MPPE1: variants seen among roughly 807,000 people sequenced by gnomAD.
The protein encoded by MPPE1 is metallo phosphoesterase.
Under a neutral mutation model 43.8 loss-of-function variants are expected in MPPE1, and 28 were observed. The observed-to-expected ratio is 0.64, with a 90% CI of 0.47 to 0.88. The LOEUF (loss-of-function observed/expected upper bound fraction) is 0.88. Among genes scored for constraint, MPPE1 ranks in the 40% least tolerant of loss-of-function variants. MPPE1 has a pLI of 0.00. For synonymous variants in MPPE1, 159 were observed against 188.5 expected (o/e 0.84, Z 1.28); for missense variants, 428 against 492.2 (o/e 0.87, Z 1.23).
In MPPE1 at chr18:11,885,815, A is replaced by C. The variant is rs1195004476; in HGVS notation, c.869T>G (p.Leu290Arg). 3.7e-6 allele frequency: 6 copies of C among 1,604,346 alleles called. No homozygotes were observed. The highest frequency in any genetic ancestry group is 5.1e-6 in the Non-Finnish European group (6 of 1,172,706). Reference protein sequence around the residue: ...DVLSREASQKLLWWLQPRLVL... With the variant: ...DVLSREASQKRLWWLQPRLVL... ...CAGGCGCGGCTGGAGCCACCACAGCAGCTGACAGTGGCCGAGAAGACAGCA... is the reference window on the plus strand; with the variant it reads ...CAGGCGCGGCTGGAGCCACCACAGCCGCTGACAGTGGCCGAGAAGACAGCA... The change falls in exon 10 of 11, where the codon CTG becomes CGG. Residue 290 changes from leucine to arginine, a missense_variant and splice_region_variant. By Grantham distance (102) the Leu-to-Arg change is moderately radical. Coordinates refer to ENST00000588072, the MANE Select transcript of MPPE1 (RefSeq NM_023075.6).
chr18:11,891,361 T>C (rs993870554), intron 4 of MPPE1: 4 of 151,960 alleles, frequency 2.6e-5, no homozygotes, highest in Non-Finnish European at 5.9e-5. Flanking sequence ...TAATCCCAAC[T>C]ACTCGAGGAG....
Position 11,886,879 on chromosome 18 carries a change from G to C in MPPE1, c.678+38C>G. 1 of 1,598,584 alleles carries C rather than the reference G, an allele frequency of 6.3e-7. No individual in the cohort carries two copies. The highest frequency in any genetic ancestry group is 2.2e-5 in the East Asian group (1 of 44,532). ...TGAGCAACCGAAGCGGAGCAACACG[G>C]GACAGAAGGCACCTGTGGCATTCAG... is the stretch of plus-strand genomic sequence containing the variant. On this transcript the variant is annotated intron_variant, in intron 7 of 10. Transcript: ENST00000588072. The surrounding 1 kb of genome is among the most constrained non-coding windows in gnomAD (Gnocchi z 4.1).
chr18:11,893,559 C>G lies in MPPE1; in HGVS notation c.299G>C (p.Arg100Thr), dbSNP rs2038243674. The change falls in exon 4 of 11, where the codon AGA becomes ACA. Residue 100 changes from arginine (R) to threonine (T), a missense_variant. Physicochemically the swap from Arg to Thr is moderately conservative, Grantham distance 71. Transcript: ENST00000588072. ...CAACCACAGAGCTGTCTGGAACGCT[C>G]TCTCCATCTGCCATTCCCTTGATGC... ...DKLRREWQME[R>T]AFQTALWLLQ... 3 of 1,614,028 alleles carry G rather than the reference C, an allele frequency of 1.9e-6. No individual in the cohort carries two copies. The highest frequency in any genetic ancestry group is 1.7e-6 in the Non-Finnish European group (2 of 1,179,988).
At chr18:11,901,789 A>G (rs1273627418) in intron 2 of MPPE1, among the ~76,000 whole-genome samples, 1 of 152,092 alleles carries the variant, frequency 6.6e-6, no homozygotes, top group Non-Finnish European at 1.5e-5. Context: ...CAGTGAGCCG[A>G]GATCGTGCCA....
intron 3 of MPPE1, among the ~76,000 whole-genome samples, chr18:11,893,781 G>A (rs775711849): frequency 1.3e-5 from 2 of 152,150 alleles, no homozygotes; most frequent in South Asian, 2.1e-4. Context: ...AGAAGAGTCC[G>A]GCCATCCCTT....
rs147974566 is a variant in MPPE1, at chr18:11,886,581, C to T, written c.785G>A (p.Gly262Glu). The T allele has an allele frequency of 1.5e-5, 25 of 1,614,074 alleles. No homozygotes were observed. In the African/African-American group the frequency reaches 3.3e-4, roughly 22 times the overall value. ...LYRRSDANCS[G>E]EDAAPAEERD... is the part of the protein sequence containing the mutation. ...TTCCTCTGCAGGAGCAGCGTCTTCC[C>T]CAGAACAGTTAGCATCACTTCTCCG... Residue 262 changes from glycine (G) to glutamate (E), a missense_variant, in exon 9 of 11, where the codon GGG becomes GAG. Physicochemically the swap from Gly to Glu is moderately conservative, Grantham distance 98. Around this residue, in one of 3 missense-constraint regions of MPPE1, gnomAD observed 379 missense variants for 402.5 expected, o/e 0.94. Transcript: ENST00000588072. This position sits in a 1 kb window ranked among gnomAD's most constrained non-coding sequence, Gnocchi z 4.1.
chr18:11,900,163 C>A (rs1430273281), intron 2 of MPPE1, among the ~76,000 whole-genome samples: 2 of 152,006 alleles, frequency 1.3e-5, no homozygotes, highest in Non-Finnish European at 2.9e-5. Flanking sequence ...CCTGGCCAAC[C>A]TGGCAAAACC....
At position 11,897,234 on chromosome 18, in the gene MPPE1, G is replaced by A. The variant is rs2038702761; in HGVS notation, c.31C>T (p.Gln11Ter). The A allele has an allele frequency of 8.3e-7, 1 of 1,201,612 alleles. No homozygotes were observed. The allele number at this position is 1,201,612 out of a possible 1,614,324, so 74.4% of individuals were successfully genotyped here. A position where few individuals can be genotyped will look rare whatever the true frequency, so the allele number is the denominator to read the frequency against. MAMIELGFGR[Q>*]NFHPLKRKSS... ...TTCCTCTTTAATGGATGAAAATTCT[G>A]TCTTCCAAACCCCAATTCGATCATC... The change falls in exon 3 of 11, where the codon CAG becomes TAG. Residue 11 changes from glutamine (Q) to a stop codon, truncating the protein, a stop_gained. Transcript: ENST00000588072. LOFTEE classifies it high-confidence loss of function.
intron 2 of MPPE1, among the ~76,000 whole-genome samples, chr18:11,898,687 A>C (rs2038839734): frequency 6.6e-6 from 1 of 152,112 alleles, no homozygotes; most frequent in Non-Finnish European, 1.5e-5. Flanking sequence ...GCTGGGACCC[A>C]TATTTCATGG....
Position 11,893,419 on chromosome 18 carries a change from G to C in MPPE1, c.390+49C>G, listed in dbSNP as rs748207532. 5 of 1,307,340 alleles carry C rather than the reference G, an allele frequency of 3.8e-6. No individual in the cohort carries two copies. In the African/African-American group the frequency reaches 7.3e-5, roughly 19 times the overall value. The allele number at this position is 1,307,340 out of a possible 1,614,324, so 81.0% of individuals were successfully genotyped here. A position where few individuals can be genotyped will look rare whatever the true frequency, so the allele number is the denominator to read the frequency against. ...GATTCGTGGATTCTCTGGGATACTT[G>C]TGCTGGACCTCACAGCAGGATGAGG... On this transcript the variant is annotated intron_variant, in intron 4 of 10. Transcript: ENST00000588072.
chr18:11,886,950 A>G lies in MPPE1; in HGVS notation c.645T>C (p.Ile215=). 1.2e-6 allele frequency: 2 copies of G among 1,613,656 alleles called. No homozygotes were observed. Among genetic ancestry groups the G allele is most frequent in the Non-Finnish European group, 1.7e-6 (2 of 1,179,800 alleles). ...GICSETEAEL[I]EVSHRLNCSR... Reference sequence around the variant, plus strand: ...AGCAGTTCAGTCTGTGAGAAACTTCAATGAGCTCTGCTTCTGTTTCAGAGC... The same window carrying G: ...AGCAGTTCAGTCTGTGAGAAACTTCGATGAGCTCTGCTTCTGTTTCAGAGC... The change falls in exon 7 of 11, where the codon ATT becomes ATC. Residue 215 remains isoleucine, a synonymous_variant. Coordinates refer to ENST00000588072, the MANE Select transcript of MPPE1 (RefSeq NM_023075.6). This position sits in a 1 kb window ranked among gnomAD's most constrained non-coding sequence, Gnocchi z 4.1.
At position 11,884,342 on chromosome 18, in the gene MPPE1, G is replaced by A. The variant is rs981991164; in HGVS notation, c.*103C>T. On this transcript the variant is annotated 3_prime_UTR_variant, in exon 11 of 11. Transcript: ENST00000588072. ...TGATTGAGAATTTCTGTGCTGTGCAGAGAGACGGCCTGTAATTGGTCTCAT... is the reference window on the plus strand; with the variant it reads ...TGATTGAGAATTTCTGTGCTGTGCAAAGAGACGGCCTGTAATTGGTCTCAT... The A allele has an allele frequency of 1.8e-6, 2 of 1,087,572 alleles. No individual in the cohort carries two copies. Among genetic ancestry groups the A allele is most frequent in the Non-Finnish European group, 2.7e-6 (2 of 735,604 alleles). The allele number at this position is 1,087,572 out of a possible 1,614,324, so 67.4% of individuals were successfully genotyped here.
At chr18:11,885,087 G>T in intron 10 of MPPE1, 1 of 1,257,196 alleles carries the variant, frequency 8.0e-7, no homozygotes, top group South Asian at 1.3e-5. Context: ...GCTTTTCTTT[G>T]CAGATACTTT....
rs1217584233 is a variant in MPPE1, at chr18:11,890,004, A to G, written c.391-514T>C. On this transcript the variant is annotated intron_variant, in intron 4 of 10. Transcript: ENST00000588072. ...GTTGCCCAGGCTGGAGTGCAGTGGC[A>G]CGATCTCGGCTCACTGCAAGCTCTG... Among the ~76,000 whole-genome samples the G allele has an allele frequency of 2.8e-4, 42 of 147,936 alleles. 1 individual carries two copies. Among genetic ancestry groups the G allele is most frequent in the South Asian group, 8.6e-4 (4 of 4,652 alleles).
intron 6 of MPPE1, 127 bp downstream of exon 6, chr18:11,888,542 G>C: frequency 1.6e-6 from 1 of 621,924 alleles, no homozygotes; most frequent in South Asian, 1.9e-5. Flanking sequence ...AGGCACTGCT[G>C]TTTAAAGATC....
chr18:11,894,998 G>A (rs2038435249), intron 3 of MPPE1, among the ~76,000 whole-genome samples: 1 of 152,202 alleles, frequency 6.6e-6, no homozygotes, highest in African/African-American at 2.4e-5. Flanking sequence ...GCTCAAAAAT[G>A]TCAGTGTTTG....
chr18:11,895,788 T>C (rs779357504), intron 3 of MPPE1, among the ~76,000 whole-genome samples: 20 of 152,086 alleles, frequency 1.3e-4, no homozygotes, highest in Non-Finnish European at 2.8e-4. Context: ...TGGTCTCAAA[T>C]TCCTGGCCTC....
In MPPE1 at chr18:11,885,760, G is replaced by C. The variant is rs370831847; in HGVS notation, c.924C>G (p.Cys308Trp). ...GGACTCGGCCCCCGTGGTGCACCTC[G>C]CAGGCGCTGTGCGTGTGGCCACTGA... is the stretch of plus-strand genomic sequence containing the variant. ...LVLSGHTHSA[C>W]EVHHGGRVPE... The change falls in exon 10 of 11, where the codon TGC becomes TGG. Residue 308 changes from cysteine to tryptophan, a missense_variant. Physicochemically the swap from Cys to Trp is radical, Grantham distance 215. Around this residue, in one of 3 missense-constraint regions of MPPE1, gnomAD observed 379 missense variants for 402.5 expected, o/e 0.94. Coordinates refer to ENST00000588072, the MANE Select transcript of MPPE1 (RefSeq NM_023075.6). 6.2e-7 allele frequency: 1 copy of C among 1,613,874 alleles called. No individual in the cohort carries two copies. The highest frequency in any genetic ancestry group is 1.3e-5 in the African/African-American group (1 of 75,062).
At chr18:11,889,340 C>A (rs377264191) in intron 5 of MPPE1, 47 bp downstream of exon 5, 1 of 1,197,528 alleles carries the variant, frequency 8.4e-7, no homozygotes, top group Non-Finnish European at 1.2e-6. Flanking sequence ...TTTAGAATTA[C>A]AGTTAACAAG....
Sources: allele counts gnomAD v4.1 joint callset (sites outside exome capture counted in the v4.1 genomes callset), GRCh38; gene constraint gnomAD v4.1.1; regional missense constraint gnomAD v4.1.1; non-coding constraint Gnocchi (gnomAD v3.1); transcripts MANE v1.5; gene names NCBI Gene and HGNC (gene_info 2026-07-23, HGNC 2026-07-21).